NEGR1: variants seen among roughly 807,000 people sequenced by gnomAD.
NEGR1 encodes the protein neuronal growth regulator 1, also known as IgLON family member 4.
Under a neutral mutation model 40.9 loss-of-function variants are expected in NEGR1, and 10 were observed. The ratio of observed to expected loss-of-function variants is 0.24; its 90% CI spans 0.15 to 0.42. The LOEUF (loss-of-function observed/expected upper bound fraction) is 0.42. Ranked by LOEUF, NEGR1 falls within the 10% of genes least tolerant of loss-of-function variation. The pLI is 1.00. For missense variants in NEGR1, 352 were observed against 438.9 expected (o/e 0.80, Z 1.77); for synonymous variants, 185 against 166.8 (o/e 1.11, Z -0.84).
At chr1:71,862,107 C>A (rs1659965583) in intron 2 of NEGR1, among the ~76,000 whole-genome samples, 1 of 151,786 alleles carries the variant, frequency 6.6e-6, no homozygotes. Context: ...TCTTTTCTTC[C>A]AATGTGAATA....
chr1:72,217,545 A>G, intron 1 of NEGR1, among the ~76,000 whole-genome samples: 1 of 151,976 alleles, frequency 6.6e-6, no homozygotes, highest in Middle Eastern at 3.4e-3. Context: ...TTACTTGGCA[A>G]TAACTGTATT....
In NEGR1 at chr1:71,595,775, C is replaced by T. The variant is rs531005234; in HGVS notation, c.789-2807G>A. Among the ~76,000 whole-genome samples, 25 of 152,150 alleles carry T rather than the reference C, an allele frequency of 1.6e-4. No individual in the cohort carries two copies. In the South Asian group the frequency reaches 4.8e-3, roughly 29 times the overall value. ...GGGGAACTTGTTAATATAAACATAT[C>T]TACCCTTAATTACTGGATATATAAA... On this transcript the variant is annotated intron_variant, in intron 5 of 6. Coordinates refer to ENST00000357731, the MANE Select transcript of NEGR1 (RefSeq NM_173808.3).
At chr1:71,998,505 A>G (rs374079591) in intron 1 of NEGR1, among the ~76,000 whole-genome samples, 15 of 151,742 alleles carry the variant, frequency 9.9e-5, no homozygotes, top group East Asian at 7.7e-4. Context: ...CACACAGTAC[A>G]CTAAGGCCAA....
chr1:71,507,354 G>A (rs945417273), intron 6 of NEGR1, among the ~76,000 whole-genome samples: 1 of 152,144 alleles, frequency 6.6e-6, no homozygotes, highest in African/African-American at 2.4e-5. Flanking sequence ...TAATGGAAAA[G>A]AAATAATAAA....
intron 1 of NEGR1, among the ~76,000 whole-genome samples, chr1:72,051,940 C>T (rs1647065737): frequency 6.6e-6 from 1 of 151,380 alleles, no homozygotes; most frequent in Non-Finnish European, 1.5e-5. Flanking sequence ...CTTTCCAGAG[C>T]ACTAGTTCCA....
intron 1 of NEGR1, among the ~76,000 whole-genome samples, chr1:72,039,829 A>G (rs575469018): frequency 6.6e-6 from 1 of 152,140 alleles, no homozygotes; most frequent in East Asian, 1.9e-4. Flanking sequence ...AGAGGGGTCT[A>G]AAGATTTATT....
intron 1 of NEGR1, among the ~76,000 whole-genome samples, chr1:72,098,872 G>C (rs115710065): frequency 0.016 from 2,409 of 152,098 alleles, 65 homozygotes; most frequent in African/African-American, 0.056. Context: ...TTTTCTGGAT[G>C]AAGTGGCATT....
intron 3 of NEGR1, chr1:71,703,233 T>G (rs940075622): frequency 1.3e-5 from 2 of 152,084 alleles, no homozygotes; most frequent in African/African-American, 4.8e-5. Context: ...TATGGCTGAA[T>G]AAAAGCCAGA....
intron 1 of NEGR1, among the ~76,000 whole-genome samples, chr1:72,004,595 A>G (rs1646589542): frequency 6.6e-6 from 1 of 152,178 alleles, no homozygotes. Context: ...AGAATATCAA[A>G]CTTTTAACAG....
chr1:71,704,128 C>T (rs1653803279), intron 3 of NEGR1, among the ~76,000 whole-genome samples: 3 of 149,436 alleles, frequency 2.0e-5, no homozygotes, highest in Admixed American at 6.7e-5. Context: ...CTATGCAAGC[C>T]AAGAGAAAAT....
At chr1:71,750,239 C>T (rs1006908529) in intron 3 of NEGR1, among the ~76,000 whole-genome samples, 8 of 151,722 alleles carry the variant, frequency 5.3e-5, no homozygotes, top group African/African-American at 1.5e-4. Context: ...ATGATCCACC[C>T]GCCTCGGCCT....
intron 2 of NEGR1, among the ~76,000 whole-genome samples, chr1:71,794,724 T>A (rs1254952450): frequency 6.6e-6 from 1 of 152,092 alleles, no homozygotes; most frequent in South Asian, 2.1e-4. Flanking sequence ...ATGAAAAAGA[T>A]TGGTAAATGT....
chr1:72,237,821 A>G (rs1220252788), intron 1 of NEGR1, among the ~76,000 whole-genome samples: 1 of 152,010 alleles, frequency 6.6e-6, no homozygotes, highest in Non-Finnish European at 1.5e-5. Flanking sequence ...TAGTTTTGAC[A>G]TAAACTAGTC....
intron 1 of NEGR1, among the ~76,000 whole-genome samples, chr1:72,255,554 T>C (rs901036864): frequency 5.4e-5 from 8 of 148,844 alleles, no homozygotes; most frequent in African/African-American, 2.0e-4. Flanking sequence ...CTTCTTTTTT[T>C]TTTTTTTTTT....
chr1:71,815,968 C>G (rs1365689009), intron 2 of NEGR1, among the ~76,000 whole-genome samples: 5 of 152,036 alleles, frequency 3.3e-5, no homozygotes, highest in African/African-American at 1.2e-4. Flanking sequence ...AATAACCACC[C>G]CTTATGTCCT....
At chr1:71,682,486 T>C (rs1032579182) in intron 4 of NEGR1, among the ~76,000 whole-genome samples, 4 of 152,256 alleles carry the variant, frequency 2.6e-5, no homozygotes, top group Non-Finnish European at 4.4e-5. Flanking sequence ...GATATTCATA[T>C]ACAGAGTTAT....
At chr1:72,045,460 T>C (rs1167049801) in intron 1 of NEGR1, among the ~76,000 whole-genome samples, 3 of 151,750 alleles carry the variant, frequency 2.0e-5, no homozygotes, top group African/African-American at 7.3e-5. Context: ...TGGAAGATGA[T>C]TGAAATATGG....
chr1:71,813,990 C>T (rs1308091648), intron 2 of NEGR1, among the ~76,000 whole-genome samples: 8 of 152,090 alleles, frequency 5.3e-5, no homozygotes. Flanking sequence ...TGAGAGATGA[C>T]ATCCTTGTCT....
At chr1:71,964,729 A>G (rs79661922) in intron 1 of NEGR1, among the ~76,000 whole-genome samples, 3,493 of 152,276 alleles carry the variant, frequency 0.023, 123 homozygotes, top group African/African-American at 0.079. Flanking sequence ...ATGCAGTAAT[A>G]TCAATGAACA....
Sources: allele counts gnomAD v4.1 joint callset (sites outside exome capture counted in the v4.1 genomes callset), GRCh38; gene constraint gnomAD v4.1.1; transcripts MANE v1.5; gene names NCBI Gene and HGNC (gene_info 2026-07-23, HGNC 2026-07-21).